The following ERBB4 variants were observed in gnomAD, a reference collection of about 807,000 sequenced individuals.
ERBB4 encodes the protein erb-b2 receptor tyrosine kinase 4.
In ERBB4, 42 loss-of-function variants were observed where a neutral mutation model predicts 158.0. The observed-to-expected ratio is 0.27, with a 90% CI of 0.21 to 0.34. The LOEUF (loss-of-function observed/expected upper bound fraction) is 0.34, where lower values mean the gene tolerates loss of function less well. Ranked by LOEUF, ERBB4 falls within the 10% of genes least tolerant of loss-of-function variation. The probability of loss-of-function intolerance (pLI) is 1.00; values close to 1 mark genes in which losing one functional copy is unlikely to be tolerated. For missense variants in ERBB4, 1,333 were observed against 1,624.1 expected (o/e 0.82, Z 3.08); for synonymous variants, 583 against 558.7 (o/e 1.04, Z -0.61).
At chr2:211,981,264 A>C (rs905962539) in intron 2 of ERBB4, among the ~76,000 whole-genome samples, 3 of 152,118 alleles carry the variant, frequency 2.0e-5, no homozygotes, top group African/African-American at 7.2e-5. Flanking sequence ...ACCTGCGCAC[A>C]GACTAAATAA....
intron 1 of ERBB4, among the ~76,000 whole-genome samples, chr2:212,526,473 C>T (rs1692452946): frequency 1.3e-5 from 2 of 151,962 alleles, no homozygotes; most frequent in African/African-American, 4.8e-5. Flanking sequence ...TATCTGAATA[C>T]CAATCACTTC....
intron 3 of ERBB4, among the ~76,000 whole-genome samples, chr2:211,828,673 T>C (rs1575207864): frequency 6.6e-6 from 1 of 152,188 alleles, no homozygotes; most frequent in East Asian, 1.9e-4. Context: ...TGAAACTGAG[T>C]GCCCCACAGA....
At chr2:212,071,822 C>T (rs1033545915) in intron 2 of ERBB4, among the ~76,000 whole-genome samples, 9 of 152,000 alleles carry the variant, frequency 5.9e-5, no homozygotes, top group African/African-American at 1.9e-4. Context: ...GATACATCTA[C>T]TTCTCTAGTC....
chr2:212,001,109 A>T (rs1279486294), intron 2 of ERBB4, among the ~76,000 whole-genome samples: 2 of 152,052 alleles, frequency 1.3e-5, no homozygotes, highest in African/African-American at 2.4e-5. Flanking sequence ...ATATTGGATT[A>T]TTTTTAACAG....
intron 2 of ERBB4, among the ~76,000 whole-genome samples, chr2:212,053,894 T>G (rs1015790612): frequency 6.6e-6 from 1 of 152,216 alleles, no homozygotes; most frequent in Admixed American, 6.5e-5. Context: ...GAAACACTTA[T>G]TAAATTACTT....
intron 5 of ERBB4, among the ~76,000 whole-genome samples, chr2:211,742,227 A>T (rs963834703): frequency 1.3e-5 from 2 of 152,204 alleles, no homozygotes; most frequent in African/African-American, 4.8e-5. Flanking sequence ...TATTTACCAC[A>T]TCGGCACCTT....
intron 20 of ERBB4, among the ~76,000 whole-genome samples, chr2:211,504,747 A>G (rs745994140): frequency 6.6e-6 from 1 of 152,150 alleles, no homozygotes; most frequent in Admixed American, 6.5e-5. Context: ...AGAGATAAAT[A>G]TATTTTTGAA....
At chr2:211,659,105 T>C (rs914497114) in intron 15 of ERBB4, among the ~76,000 whole-genome samples, 1 of 152,130 alleles carries the variant, frequency 6.6e-6, no homozygotes, top group Admixed American at 6.5e-5. Context: ...ATAAGGCCAG[T>C]CTATCCATTA....
At chr2:211,846,800 T>A (rs767541664) in intron 3 of ERBB4, among the ~76,000 whole-genome samples, 16 of 152,164 alleles carry the variant, frequency 1.1e-4, no homozygotes, top group Admixed American at 2.0e-4. Context: ...GATTTCTTCA[T>A]GCAAGCACAG....
intron 9 of ERBB4, among the ~76,000 whole-genome samples, chr2:211,707,904 T>C (rs866884325): frequency 6.6e-6 from 1 of 152,192 alleles, no homozygotes; most frequent in Non-Finnish European, 1.5e-5. Flanking sequence ...CCTCATTAAA[T>C]TATTATTTTT....
Position 211,657,755 on chromosome 2 carries a change from T to C in ERBB4, c.1945A>G (p.Arg649Gly), listed in dbSNP as rs748839302. The C allele has an allele frequency of 6.2e-7, 1 of 1,611,852 alleles. No individual in the cohort carries two copies. Among genetic ancestry groups the C allele is most frequent in the South Asian group, 1.1e-5 (1 of 91,038 alleles). Reference protein sequence around the residue: ...TGHSTLPQHARTPLIAAGVIG... With the variant: ...TGHSTLPQHAGTPLIAAGVIG... ...AAATGGAAACATGGTAGATGTTACC[T>C]AGCATGTTGTGGTAAAGTGGAATGG... Residue 649 changes from arginine to glycine, a missense_variant and splice_region_variant, in exon 16 of 28, where the codon AGA (arginine) becomes GGA (glycine). By Grantham distance (125) the Arg-to-Gly change is moderately radical. This residue lies in a region of ERBB4 where 245 missense variants were observed against 247.5 expected (regional missense o/e 0.99). Coordinates refer to ENST00000342788, the MANE Select transcript of ERBB4 (RefSeq NM_005235.3).
At chr2:211,728,157 C>G (rs1215985108) in intron 5 of ERBB4, among the ~76,000 whole-genome samples, 4 of 151,618 alleles carry the variant, frequency 2.6e-5, no homozygotes, top group African/African-American at 9.7e-5. Context: ...TCCTTATGAA[C>G]CTTCATCTTC....
At chr2:211,829,438 T>C (rs555668006) in intron 3 of ERBB4, among the ~76,000 whole-genome samples, 1 of 152,270 alleles carries the variant, frequency 6.6e-6, no homozygotes, top group East Asian at 1.9e-4. Flanking sequence ...TACCGTTAAG[T>C]ATCTCATTGT....
intron 1 of ERBB4, among the ~76,000 whole-genome samples, chr2:212,306,044 CAATAT>C (rs2086797313): frequency 6.6e-6 from 1 of 151,274 alleles, no homozygotes; most frequent in Non-Finnish European, 1.5e-5. Flanking sequence ...ATTAAGTTGT[CAATAT>C]TATATTCGAA....
intron 5 of ERBB4, among the ~76,000 whole-genome samples, chr2:211,730,125 T>A (rs115391054): frequency 0.015 from 2,233 of 152,070 alleles, 48 homozygotes; most frequent in African/African-American, 0.051. Context: ...AGTAGCTTAA[T>A]CTTATCAGTA....
intron 3 of ERBB4, among the ~76,000 whole-genome samples, chr2:211,934,413 T>C (rs2080257831): frequency 1.3e-5 from 2 of 152,042 alleles, no homozygotes; most frequent in Admixed American, 1.3e-4. Context: ...GGCTATAATG[T>C]ATGAATAAAA....
intron 9 of ERBB4, among the ~76,000 whole-genome samples, chr2:211,708,857 C>T (rs1035328998): frequency 3.9e-5 from 6 of 152,026 alleles, no homozygotes; most frequent in African/African-American, 1.4e-4. Flanking sequence ...GAAAGCCATG[C>T]AACTCAACAC....
At chr2:212,388,582 G>A (rs2090755469) in intron 1 of ERBB4, among the ~76,000 whole-genome samples, 1 of 151,960 alleles carries the variant, frequency 6.6e-6, no homozygotes, top group Admixed American at 6.6e-5. Context: ...TCCTCCAGAG[G>A]GTTGTCACGG....
At chr2:212,362,093 T>A (rs943706550) in intron 1 of ERBB4, among the ~76,000 whole-genome samples, 6 of 151,588 alleles carry the variant, frequency 4.0e-5, no homozygotes, top group Non-Finnish European at 8.9e-5. Context: ...TTCAAAGAGT[T>A]ATAATAAATA....
Sources: gnomAD v4.1 joint callset for allele counts (sites outside exome capture counted in the v4.1 genomes callset) on GRCh38, gnomAD v4.1.1 for gene constraint, gnomAD v4.1.1 regional missense constraint, MANE v1.5 for transcripts, NCBI Gene and HGNC (gene_info 2026-07-23, HGNC 2026-07-21) for gene names.